TRMT2B: variants seen among roughly 807,000 people sequenced by gnomAD.
TRMT2B encodes the protein tRNA (uracil-5-)-methyltransferase homolog B.
A neutral mutation model predicts 39.7 loss-of-function variants in TRMT2B; 34 were observed. The observed-to-expected ratio is 0.86, with a 90% CI of 0.65 to 1.14. TRMT2B has a LOEUF of 1.14. Among genes scored for constraint, TRMT2B ranks in the 50% most tolerant of loss-of-function variants. TRMT2B has a pLI of 0.00. For synonymous variants in TRMT2B, 132 were observed against 137.3 expected, an observed-to-expected ratio of 0.96 and a Z score of 0.27; for missense variants, 318 against 377.2, an observed-to-expected ratio of 0.84 and a Z score of 1.30.
the TRMT2B span, among the ~76,000 whole-genome samples, chrX:100,974,595 G>T: frequency 5.4e-5 from 6 of 111,611 alleles, no homozygotes; most frequent in Admixed American, 2.9e-4. Flanking sequence ...GTGGAATTTG[G>T]TCTAGATAAG....
In TRMT2B at chrX:101,010,500, T is replaced by C; in HGVS notation, c.*81A>G. On this transcript the variant is annotated 3_prime_UTR_variant, in exon 14 of 14. Transcript: ENST00000372936. ...TTTCCACTGTAATGCTCCCAGGGTC[T>C]GCAATGTAGCAATATGCCAAACCTG... 1 of 1,093,810 alleles carries C rather than the reference T, an allele frequency of 9.1e-7. No individual in the cohort carries two copies. Among genetic ancestry groups the C allele is most frequent in the East Asian group, 3.0e-5 (1 of 33,275 alleles). 90.1% of individuals were successfully genotyped at this position (1,093,810 alleles called of 1,213,427 possible).
At position 101,010,120 on chromosome X, in the gene TRMT2B, AGTCAGCCGCGGCGGG is replaced by A. The variant is rs1057036888; in HGVS notation, c.*446_*460del. The A allele has an allele frequency of 8.7e-6, 1 of 115,196 alleles. No homozygotes were observed. The highest frequency in any genetic ancestry group is 1.8e-5 in the Non-Finnish European group (1 of 54,538). The allele number at this position is 115,196 out of a possible 1,213,427, so 9.5% of individuals were successfully genotyped here. A position where few individuals can be genotyped will look rare whatever the true frequency, so the allele number is the denominator to read the frequency against. On this transcript the variant is annotated 3_prime_UTR_variant, in exon 14 of 14. Coordinates refer to ENST00000372936, the MANE Select transcript of TRMT2B (RefSeq NM_024917.6). ...AAAGGGAATCTGAAATCTAAGGTTA[AGTCAGCCGCGGCGGG>A]GTGTGGTGGCTCACGCCTATAATCC...
At chrX:101,029,409 A>C (rs1470070551) in intron 7 of TRMT2B, among the ~76,000 whole-genome samples, 2 of 111,095 alleles carry the variant, frequency 1.8e-5, no homozygotes, top group Non-Finnish European at 3.8e-5. Context: ...CTTTCTCATA[A>C]ATAAGTAATA....
intron 13 of TRMT2B, among the ~76,000 whole-genome samples, chrX:101,017,790 AG>A (rs2086595164): frequency 1.8e-5 from 2 of 112,267 alleles, no homozygotes; most frequent in Admixed American, 1.9e-4. Flanking sequence ...TGCTTTTATA[AG>A]GTTTTATTGG....
chrX:100,989,989 T>A, the TRMT2B span, among the ~76,000 whole-genome samples: 1 of 112,645 alleles, frequency 8.9e-6, no homozygotes, highest in Non-Finnish European at 1.9e-5. Context: ...TACCCCTAAA[T>A]CTTTGTCCAA....
intron 2 of TRMT2B, among the ~76,000 whole-genome samples, chrX:101,048,052 A>G (rs2088798605): frequency 9.2e-6 from 1 of 108,355 alleles, no homozygotes; most frequent in Admixed American, 1.0e-4. Context: ...CTTAAGCTCT[A>G]CCTTGGATTT....
intron 8 of TRMT2B, 133 bp downstream of exon 8, chrX:101,023,337 C>T (rs1406248768): frequency 1.5e-6 from 1 of 653,674 alleles, no homozygotes; most frequent in Non-Finnish European, 2.4e-6. Context: ...TCCCTAACCC[C>T]TCTCCCCAAT....
rs113780984 is a variant in TRMT2B, at chrX:101,051,864, C to T, written c.-554G>A. On this transcript the variant is annotated 5_prime_UTR_variant, in exon 1 of 14. Coordinates refer to ENST00000372936, the MANE Select transcript of TRMT2B (RefSeq NM_024917.6). The stretch of plus-strand genomic sequence containing the variant: ...CAGCGGATGGCCTGGTTTGCTGCGG[C>T]GGGGAAACAGTCACTTCCTGGTGCG... The T allele has an allele frequency of 0.094, 23,509 of 249,137 alleles. 960 individuals are homozygous for T. The highest frequency in any genetic ancestry group is 0.14 in the Admixed American group (1,460 of 10,807). 20.5% of individuals were successfully genotyped at this position (249,137 alleles called of 1,213,427 possible). A position where few individuals can be genotyped will look rare whatever the true frequency, so the allele number is the denominator to read the frequency against.
chrX:101,008,320 C>A (rs757789785), downstream of TRMT2B, among the ~76,000 whole-genome samples: 1 of 111,800 alleles, frequency 8.9e-6, no homozygotes, highest in Non-Finnish European at 1.9e-5. Flanking sequence ...TAACCCATCA[C>A]ATAAAATTTA....
At chrX:100,990,864 T>G in the TRMT2B span, 1 of 261,688 alleles carries the variant, frequency 3.8e-6, no homozygotes, top group Non-Finnish European at 6.8e-6. Flanking sequence ...CAGTCATACC[T>G]CCATAAACAA....
chrX:101,037,312 A>C (rs973339208), intron 5 of TRMT2B: 3 of 369,518 alleles, frequency 8.1e-6, no homozygotes, highest in African/African-American at 7.7e-5. Context: ...AGAGTAAATA[A>C]TTTAGGGCTT....
the TRMT2B span, among the ~76,000 whole-genome samples, chrX:100,991,099 T>C: frequency 8.9e-6 from 1 of 111,940 alleles, no homozygotes; most frequent in African/African-American, 3.2e-5. Flanking sequence ...TCTGAAATGC[T>C]TGGGACCAAA....
At chrX:100,985,702 G>A in the TRMT2B span, 2,144 of 1,208,538 alleles carry the variant, frequency 1.8e-3, 1 homozygote, top group Non-Finnish European at 2.0e-3. Context: ...CATGAAATCG[G>A]AACTGACTAC....
the TRMT2B span, among the ~76,000 whole-genome samples, chrX:100,981,227 T>C: frequency 1.8e-5 from 2 of 112,103 alleles, no homozygotes; most frequent in Non-Finnish European, 3.8e-5. Context: ...TGGCAGGGCT[T>C]GCTGGAACTC....
At chrX:100,974,173 G>C in the TRMT2B span, 7 of 1,191,956 alleles carry the variant, frequency 5.9e-6, no homozygotes, top group South Asian at 9.2e-5. Flanking sequence ...TGGCAAAACT[G>C]TTCTTGTGGA....
downstream of TRMT2B, among the ~76,000 whole-genome samples, chrX:101,005,722 C>CA (rs772266584): frequency 6.9e-5 from 7 of 100,837 alleles, no homozygotes; most frequent in Non-Finnish European, 1.0e-4. Flanking sequence ...ACTAAAAATA[C>CA]AAAAAAAAAT....
chrX:101,044,732 C>T (rs1438214215), intron 2 of TRMT2B, among the ~76,000 whole-genome samples: 2 of 105,250 alleles, frequency 1.9e-5, no homozygotes, highest in East Asian at 3.1e-4. Context: ...CCCAGCTACT[C>T]GGTAGGCTGA....
At position 101,040,187 on chromosome X, in the gene TRMT2B, G is replaced by A. The variant is rs182321935; in HGVS notation, c.303+1130C>T. 1.4e-3 allele frequency among the ~76,000 whole-genome samples: 151 copies of A among 108,931 alleles called. No homozygotes were observed. In the Middle Eastern group the frequency reaches 0.014, roughly 10 times the overall value. The allele number at this position is 108,931 out of a possible 115,157, so 94.6% of individuals were successfully genotyped here. A position where few individuals can be genotyped will look rare whatever the true frequency, so the allele number is the denominator to read the frequency against. On this transcript the variant is annotated intron_variant, in intron 4 of 13. Coordinates refer to ENST00000372936, the MANE Select transcript of TRMT2B (RefSeq NM_024917.6). ...CATGTACCTGTAGTCCCAGCTACTG[G>A]GGAGGCTGAGGCAGGAGAATCACTT...
intron 7 of TRMT2B, among the ~76,000 whole-genome samples, chrX:101,029,520 A>G (rs2087320504): frequency 9.0e-6 from 1 of 111,031 alleles, no homozygotes; most frequent in African/African-American, 3.3e-5. Flanking sequence ...GGCACTTATC[A>G]CCTTTCAACA....
Sources: gnomAD v4.1 joint callset for allele counts (sites outside exome capture counted in the v4.1 genomes callset) on GRCh38, gnomAD v4.1.1 for gene constraint, MANE v1.5 for transcripts, NCBI Gene and HGNC (gene_info 2026-07-23, HGNC 2026-07-21) for gene names.